The following SCAP variants were observed in gnomAD, a reference collection of about 807,000 sequenced individuals.
The protein encoded by SCAP is SREBF chaperone.
In SCAP, 65 loss-of-function variants were observed where a neutral mutation model predicts 123.6. The ratio of observed to expected loss-of-function variants is 0.53; its 90% CI spans 0.43 to 0.65. SCAP has a LOEUF of 0.65. Ranked by LOEUF, SCAP falls within the 30% of genes least tolerant of loss-of-function variation. SCAP has a pLI of 0.00. For missense variants in SCAP, 1,398 were observed against 1,712.5 expected, an observed-to-expected ratio of 0.82 and a Z score of 3.24; for synonymous variants, 740 against 726.3, an observed-to-expected ratio of 1.02 and a Z score of -0.30.
chr3:47,444,418 C>T (rs564671586), intron 1 of SCAP, among the ~76,000 whole-genome samples: 3 of 152,332 alleles, frequency 2.0e-5, no homozygotes, highest in South Asian at 4.1e-4. Context: ...GCCTATTGCT[C>T]GTTCTACCTT....
At chr3:47,471,784 A>G (rs2108034082) in intron 1 of SCAP, among the ~76,000 whole-genome samples, 1 of 152,294 alleles carries the variant, frequency 6.6e-6, no homozygotes, top group East Asian at 1.9e-4. Flanking sequence ...TATGCTCCCA[A>G]TACATGTACA....
chr3:47,417,991 G>T, intron 16 of SCAP, 143 bp downstream of exon 16: 1 of 567,724 alleles, frequency 1.8e-6, no homozygotes, highest in South Asian at 1.8e-5. Context: ...GGTGGTGGGA[G>T]GGGGTGCGGG....
intron 3 of SCAP, among the ~76,000 whole-genome samples, chr3:47,429,715 C>A (rs901025920): frequency 6.6e-6 from 1 of 152,188 alleles, no homozygotes; most frequent in Non-Finnish European, 1.5e-5. Context: ...TTTACTGAAG[C>A]ACAGCCACAC....
At chr3:47,472,458 T>TAAA (rs1553652296) in intron 1 of SCAP, among the ~76,000 whole-genome samples, 3 of 20,524 alleles carry the variant, frequency 1.5e-4, no homozygotes, top group Non-Finnish European at 2.9e-4. Flanking sequence ...AAAAATAAAA[T>TAAA]AAAATAATAA....
At chr3:47,436,407 C>A (rs1559553178) in intron 2 of SCAP, among the ~76,000 whole-genome samples, 1 of 152,080 alleles carries the variant, frequency 6.6e-6, no homozygotes, top group South Asian at 2.1e-4. Context: ...GCCAAGCGGG[C>A]GGATCATTTG....
intron 18 of SCAP, among the ~76,000 whole-genome samples, chr3:47,416,244 G>C (rs1576243879): frequency 6.6e-6 from 1 of 152,230 alleles, no homozygotes; most frequent in South Asian, 2.1e-4. Flanking sequence ...GGAGACCCAG[G>C]TTCACCAGCT....
intron 1 of SCAP, among the ~76,000 whole-genome samples, chr3:47,454,136 G>C (rs1707321776): frequency 6.6e-6 from 1 of 152,172 alleles, no homozygotes. Context: ...GGGTGGCCGA[G>C]GCGGGCGGAT....
At chr3:47,448,068 T>C (rs1048665269) in intron 1 of SCAP, among the ~76,000 whole-genome samples, 1 of 149,992 alleles carries the variant, frequency 6.7e-6, no homozygotes, top group South Asian at 2.1e-4. Context: ...GCATTAAACC[T>C]GTTTATCAAA....
intron 1 of SCAP, 105 bp from the exon 2 acceptor site, chr3:47,443,196 T>C (rs541964374): frequency 1.3e-6 from 1 of 791,632 alleles, no homozygotes; most frequent in Non-Finnish European, 1.9e-6. Flanking sequence ...GGTTTCAGAA[T>C]GCCTATATGC....
chr3:47,462,441 G>A (rs1707676897), intron 1 of SCAP, among the ~76,000 whole-genome samples: 1 of 152,082 alleles, frequency 6.6e-6, no homozygotes, highest in Non-Finnish European at 1.5e-5. Context: ...CTTGAAGACA[G>A]ACTGTAAAAC....
intron 1 of SCAP, among the ~76,000 whole-genome samples, chr3:47,455,725 G>C (rs1484387970): frequency 6.6e-6 from 1 of 151,666 alleles, no homozygotes; most frequent in Non-Finnish European, 1.5e-5. Flanking sequence ...CGTAACCAAA[G>C]TGTCACTCTT....
At chr3:47,421,724 GCCCA>G (rs1358498774) in intron 10 of SCAP, among the ~76,000 whole-genome samples, 1 of 152,268 alleles carries the variant, frequency 6.6e-6, no homozygotes, top group Non-Finnish European at 1.5e-5. Context: ...AGGAGAAGCA[GCCCA>G]CAGCCCATCT....
At chr3:47,418,002 G>GGTGGGGGGAGAGGGGGC in intron 16 of SCAP, 132 bp downstream of exon 16, 1 of 582,106 alleles carries the variant, frequency 1.7e-6, no homozygotes, top group Non-Finnish European at 3.0e-6. Flanking sequence ...GGGGTGCGGG[G>GGTGGGGGGAGAGGGGGC]GTGGGGGGAG....
At position 47,418,401 on chromosome 3, in the gene SCAP, C is replaced by A; in HGVS notation, c.2251G>T (p.Gly751Trp). Residue 751 changes from glycine to tryptophan, a missense_variant, in exon 15 of 23, where the codon GGG (glycine) becomes TGG (tryptophan). Transcript: ENST00000265565. The part of the protein sequence containing the change: ...LGGGPGRRRR[G>W]ELPCDDYGYA... ...CCGTAGTCGTCGCAGGGCAGCTCCC[C>A]GCGCCTCCGCCGCCCGGGCCCACCA... 6.3e-7 allele frequency: 1 copy of A among 1,575,258 alleles called. No individual in the cohort carries two copies. Among genetic ancestry groups the A allele is most frequent in the Non-Finnish European group, 8.6e-7 (1 of 1,164,402 alleles).
In SCAP at chr3:47,420,419, C is replaced by T; in HGVS notation, c.1563+135G>A. 1.3e-6 allele frequency: 1 copy of T among 788,072 alleles called. No individual in the cohort carries two copies. Among genetic ancestry groups the T allele is most frequent in the Non-Finnish European group, 2.0e-6 (1 of 508,098 alleles). The allele number at this position is 788,072 out of a possible 1,614,324, so 48.8% of individuals were successfully genotyped here. A position where few individuals can be genotyped will look rare whatever the true frequency, so the allele number is the denominator to read the frequency against. On this transcript the variant is annotated intron_variant, in intron 12 of 22. Transcript: ENST00000265565. The surrounding 1 kb of genome is among the most constrained non-coding windows in gnomAD (Gnocchi z 5.0). The stretch of plus-strand genomic sequence containing the variant: ...CAGGGAGGACACAACGGGCAACTCC[C>T]CAGAGCCAGGCTTCCAGGGGCCACC...
At chr3:47,417,229 G>A in intron 17 of SCAP, 22 bp from the exon 18 acceptor site, 1 of 1,612,738 alleles carries the variant, frequency 6.2e-7, no homozygotes, top group Non-Finnish European at 8.5e-7. Context: ...GAGGCTGTGA[G>A]CACCTGCCAG....
At chr3:47,454,928 T>C (rs1707360098) in intron 1 of SCAP, among the ~76,000 whole-genome samples, 1 of 151,488 alleles carries the variant, frequency 6.6e-6, no homozygotes, top group African/African-American at 2.4e-5. Context: ...TTATTACTAT[T>C]GTGGAACTAC....
intron 1 of SCAP, among the ~76,000 whole-genome samples, chr3:47,445,322 A>G (rs1053523520): frequency 2.1e-5 from 3 of 146,224 alleles, no homozygotes; most frequent in Non-Finnish European, 3.0e-5. Context: ...TCTCCACTCA[A>G]TGCAACCTCT....
chr3:47,471,280 G>A (rs1396053257), intron 1 of SCAP, among the ~76,000 whole-genome samples: 2 of 152,086 alleles, frequency 1.3e-5, no homozygotes, highest in Non-Finnish European at 2.9e-5. Context: ...CAAAGATTTG[G>A]CTATAAGAAT....
Sources: allele counts gnomAD v4.1 joint callset (sites outside exome capture counted in the v4.1 genomes callset), GRCh38; gene constraint gnomAD v4.1.1; non-coding constraint Gnocchi (gnomAD v3.1); transcripts MANE v1.5; gene names NCBI Gene and HGNC (gene_info 2026-07-23, HGNC 2026-07-21).